TSC22D1: variants seen among roughly 807,000 people sequenced by gnomAD.
TSC22D1 encodes the protein TSC22 domain family protein 1.
In TSC22D1, 9 loss-of-function variants were observed where a neutral mutation model predicts 74.2. That is an observed-to-expected ratio of 0.12 (90% confidence interval 0.07 to 0.21). The LOEUF is 0.21. TSC22D1 is among the 10% of genes least tolerant of loss of function. The pLI is 1.00. For synonymous variants in TSC22D1, 586 were observed against 492.5 expected (o/e 1.19, Z -2.51); for missense variants, 1,427 against 1,304.7 (o/e 1.09, Z -1.44).
chr13:44,487,875 T>C (rs1052673226), intron 1 of TSC22D1, among the ~76,000 whole-genome samples: 31 of 151,950 alleles, frequency 2.0e-4, no homozygotes, highest in African/African-American at 6.8e-4. Context: ...CTGGCCAACG[T>C]GGCAATACCC....
chr13:44,509,535 G>C (rs2138005002), intron 1 of TSC22D1, among the ~76,000 whole-genome samples: 1 of 152,330 alleles, frequency 6.6e-6, no homozygotes, highest in South Asian at 2.1e-4. Context: ...AGCTACTCAG[G>C]AGGCTGAGGC....
chr13:44,456,157 T>G (rs555401395), intron 1 of TSC22D1, among the ~76,000 whole-genome samples: 1 of 152,260 alleles, frequency 6.6e-6, no homozygotes, highest in African/African-American at 2.4e-5. Flanking sequence ...ACAGCTCAGC[T>G]CATAAAGGTA....
rs961946982 is a variant in TSC22D1, at chr13:44,459,070, G to T, written c.2913-22975C>A. ...GGGCTGCCAGTTCCGGGTGGAGTCC[G>T]TGGGATGGCAGTGAGAACTTGTGCT... On this transcript the variant is annotated intron_variant, in intron 1 of 2. Coordinates refer to ENST00000458659, the MANE Select transcript of TSC22D1 (RefSeq NM_183422.4). 2.6e-5 allele frequency among the ~76,000 whole-genome samples: 4 copies of T among 152,304 alleles called. No homozygotes were observed. The East Asian group carries it at 7.7e-4, about 29-fold the overall frequency.
rs1465890311 is a variant in TSC22D1 at position 44,573,755 on chromosome 13, G to A, written c.2320C>T (p.His774Tyr). 2 of 1,614,112 alleles carry A rather than the reference G, an allele frequency of 1.2e-6. No homozygotes were observed. Among genetic ancestry groups the A allele is most frequent in the Non-Finnish European group, 1.7e-6 (2 of 1,180,052 alleles). Reference protein sequence around the residue: ...VVPPAQTGIIHQGVQTSAPSL... With the variant: ...VVPPAQTGIIYQGVQTSAPSL... ...GGAGCACTAGTTTGAACTCCCTGAT[G>A]AATAATCCCAGTTTGAGCAGGTGGA... Residue 774 changes from histidine to tyrosine, a missense_variant, in exon 1 of 3, where the codon CAT (histidine) becomes TAT (tyrosine). By Grantham distance (83) the His-to-Tyr change is moderately conservative. Around this residue, in one of 3 missense-constraint regions of TSC22D1, gnomAD observed 1,343 missense variants for 1,191.5 expected, o/e 1.13. Coordinates refer to ENST00000458659, the MANE Select transcript of TSC22D1 (RefSeq NM_183422.4).
In TSC22D1 at chr13:44,536,926, GAAAAAAAAAAAAAAA is replaced by G. The variant is rs10596156; in HGVS notation, c.2912+36222_2912+36236del. ...TAACAGTTCAAAAAAGTATTTTTCT[GAAAAAAAAAAAAAAA>G]AAAAAAAAAAAAAAAAAACAAAAAA... is the stretch of plus-strand genomic sequence containing the variant. On this transcript the variant is annotated intron_variant, in intron 1 of 2. Transcript: ENST00000458659. 3,159 of 494,986 alleles carry G rather than the reference GAAAAAAAAAAAAAAA, an allele frequency of 6.4e-3. 30 individuals are homozygous for G. The African/African-American group carries it at 0.084, about 13-fold the overall frequency. 30.7% of individuals were successfully genotyped at this position (494,986 alleles called of 1,614,324 possible).
chr13:44,439,944 A>G (rs1047793688), intron 1 of TSC22D1, among the ~76,000 whole-genome samples: 1 of 152,178 alleles, frequency 6.6e-6, no homozygotes, highest in African/African-American at 2.4e-5. Context: ...CCCCTATCCA[A>G]ACTCCTTGCA....
chr13:44,513,358 T>C (rs1342385070), intron 1 of TSC22D1, among the ~76,000 whole-genome samples: 6 of 152,226 alleles, frequency 3.9e-5, no homozygotes, highest in Admixed American at 3.3e-4. Context: ...AACATGAACA[T>C]ACTTTTCCAA....
At chr13:44,558,941 G>A (rs1361938839) in intron 1 of TSC22D1, among the ~76,000 whole-genome samples, 1 of 151,784 alleles carries the variant, frequency 6.6e-6, no homozygotes, top group African/African-American at 2.4e-5. Flanking sequence ...CCTCAAAATA[G>A]GTAAAATTCC....
At chr13:44,489,366 C>T (rs1285204911) in intron 1 of TSC22D1, among the ~76,000 whole-genome samples, 2 of 151,996 alleles carry the variant, frequency 1.3e-5, no homozygotes, top group East Asian at 3.9e-4. Context: ...AAGTAAACTA[C>T]ATCAAAATTA....
intron 1 of TSC22D1, among the ~76,000 whole-genome samples, chr13:44,526,738 C>T (rs1397143499): frequency 6.6e-6 from 1 of 152,114 alleles, no homozygotes; most frequent in Non-Finnish European, 1.5e-5. Flanking sequence ...TGCTTTTGCA[C>T]CATTGTAAAG....
chr13:44,459,168 C>A (rs1014561735), intron 1 of TSC22D1, among the ~76,000 whole-genome samples: 2 of 152,210 alleles, frequency 1.3e-5, no homozygotes, highest in African/African-American at 2.4e-5. Context: ...CCATAAAACA[C>A]CCCCGGACTC....
intron 1 of TSC22D1, among the ~76,000 whole-genome samples, chr13:44,488,567 C>T (rs1878558156): frequency 6.6e-6 from 1 of 151,682 alleles, no homozygotes; most frequent in African/African-American, 2.4e-5. Context: ...CAGAACGAAC[C>T]AATATTGGAA....
At position 44,575,275 on chromosome 13, in the gene TSC22D1, C is replaced by A; in HGVS notation, c.800G>T (p.Ser267Ile). ...TGCAACTGGTGTGATACTGTCAGAG[C>A]TTCCAGTTGTAGAGAGTTTTCTAGA... ...PVSRKLSTTG[S>I]SDSITPVAPT... The change falls in exon 1 of 3, where the codon AGC (serine) becomes ATC (isoleucine). Residue 267 changes from serine to isoleucine, a missense_variant. Ser to Ile is a moderately radical substitution (Grantham distance 142). Around this residue, in one of 3 missense-constraint regions of TSC22D1, gnomAD observed 1,343 missense variants for 1,191.5 expected, o/e 1.13. Transcript: ENST00000458659. The A allele has an allele frequency of 6.2e-7, 1 of 1,614,114 alleles. No individual in the cohort carries two copies. The highest frequency in any genetic ancestry group is 8.5e-7 in the Non-Finnish European group (1 of 1,180,028).
chr13:44,501,482 A>C (rs1879215634), intron 1 of TSC22D1, among the ~76,000 whole-genome samples: 1 of 152,140 alleles, frequency 6.6e-6, no homozygotes, highest in South Asian at 2.1e-4. Flanking sequence ...AGCAACAACT[A>C]CCCTTACTGC....
At chr13:44,539,399 C>T (rs944154857) in intron 1 of TSC22D1, 5 of 985,278 alleles carry the variant, frequency 5.1e-6, no homozygotes, top group Non-Finnish European at 6.0e-6. Flanking sequence ...TTCAAATGTC[C>T]AGTTTGCCCA....
Position 44,574,193 on chromosome 13 carries a change from G to C in TSC22D1, c.1882C>G (p.Gln628Glu). 6.2e-7 allele frequency: 1 copy of C among 1,614,186 alleles called. No homozygotes were observed. Among genetic ancestry groups the C allele is most frequent in the East Asian group, 2.2e-5 (1 of 44,878 alleles). Residue 628 changes from glutamine to glutamate, a missense_variant, in exon 1 of 3, where the codon CAG (glutamine) becomes GAG (glutamate). Gln to Glu is a conservative substitution (Grantham distance 29). Transcript: ENST00000458659. ...ACCATTGGTTGCTGTTGTCCATACT[G>C]TAACTGTTGGGGTGGTGGTGCCCCT... The part of the protein sequence containing the change: ...LPGAPPPQQL[Q>E]YGQQQPMVST...
Position 44,571,461 on chromosome 13 carries a change from T to C in TSC22D1, c.2912+1702A>G, listed in dbSNP as rs112155400. 2.9e-3 allele frequency among the ~76,000 whole-genome samples: 442 copies of C among 152,128 alleles called. 1 individual carries two copies. The highest frequency in any genetic ancestry group is 5.3e-3 in the Non-Finnish European group (358 of 67,990). On this transcript the variant is annotated intron_variant, in intron 1 of 2. Coordinates refer to ENST00000458659, the MANE Select transcript of TSC22D1 (RefSeq NM_183422.4). ...TCCTACCAATAGGAGGAAAAAGAGG[T>C]GAAAGTCAAGCCAGGAGACCACAAA...
At chr13:44,538,591 G>A in intron 1 of TSC22D1, 1 of 985,326 alleles carries the variant, frequency 1.0e-6, no homozygotes, top group Non-Finnish European at 1.2e-6. Flanking sequence ...TCAGTCTTCT[G>A]AATAGAAAGA....
Position 44,538,587 on chromosome 13 carries a change from T to C in TSC22D1, c.2912+34576A>G, listed in dbSNP as rs1036984083. ...CTCTCAAGCTTCCTCTATTTCAGTC[T>C]TCTGAATAGAAAGAAATATTTTCAT... On this transcript the variant is annotated intron_variant, in intron 1 of 2. Transcript: ENST00000458659. 2.3e-5 allele frequency: 23 copies of C among 985,300 alleles called. No individual in the cohort carries two copies. In the African/African-American group the frequency reaches 3.1e-4, roughly 13 times the overall value. 61.0% of individuals were successfully genotyped at this position (985,300 alleles called of 1,614,324 possible).
Sources: allele counts gnomAD v4.1 joint callset (sites outside exome capture counted in the v4.1 genomes callset), GRCh38; gene constraint gnomAD v4.1.1; regional missense constraint gnomAD v4.1.1; transcripts MANE v1.5; gene names NCBI Gene and HGNC (gene_info 2026-07-23, HGNC 2026-07-21).